Variants in ARL15 observed in about 807,000 individuals in gnomAD.
ARL15 encodes ADP-ribosylation factor-like protein 15.
A neutral mutation model predicts 25.2 loss-of-function variants in ARL15; 19 were observed. The ratio of observed to expected loss-of-function variants is 0.75; its 90% CI spans 0.53 to 1.10. The LOEUF (loss-of-function observed/expected upper bound fraction) is 1.10. Among genes scored for constraint, ARL15 ranks in the 50% least tolerant of loss-of-function variants. The pLI, the probability that ARL15 is intolerant of heterozygous loss-of-function variation, is 0.00. For synonymous variants in ARL15, 94 were observed against 86.8 expected (o/e 1.08, Z -0.46); for missense variants, 220 against 246.0 (o/e 0.89, Z 0.71).
intron 1 of ARL15, among the ~76,000 whole-genome samples, chr5:54,303,565 T>G (rs1327080588): frequency 7.2e-6 from 1 of 138,502 alleles, no homozygotes. Flanking sequence ...TTGGGGCAGG[T>G]AGGAATGTGC....
intron 1 of ARL15, among the ~76,000 whole-genome samples, chr5:54,248,836 G>T (rs1324940446): frequency 6.6e-6 from 1 of 152,128 alleles, no homozygotes; most frequent in East Asian, 1.9e-4. Flanking sequence ...GGGAATAGAT[G>T]AATTCACTCC....
chr5:54,087,170 A>G (rs1751987511), intron 4 of ARL15, among the ~76,000 whole-genome samples: 1 of 152,092 alleles, frequency 6.6e-6, no homozygotes, highest in African/African-American at 2.4e-5. Flanking sequence ...CCCCGTCGCT[A>G]CTAAAAAATT....
chr5:53,898,309 A>C (rs1744938576), intron 4 of ARL15, among the ~76,000 whole-genome samples: 1 of 152,194 alleles, frequency 6.6e-6, no homozygotes, highest in African/African-American at 2.4e-5. Flanking sequence ...TTTTAGTATC[A>C]TAGTAATCTT....
At chr5:53,923,420 AC>A (rs906008606) in intron 4 of ARL15, among the ~76,000 whole-genome samples, 1 of 152,164 alleles carries the variant, frequency 6.6e-6, no homozygotes, top group African/African-American at 2.4e-5. Context: ...GTGAAGGGCT[AC>A]TTGGTAAAAT....
intron 4 of ARL15, among the ~76,000 whole-genome samples, chr5:54,020,696 G>C (rs697103): frequency 6.6e-6 from 1 of 151,866 alleles, no homozygotes; most frequent in Non-Finnish European, 1.5e-5. Context: ...GCTCACTCCT[G>C]TAATCCCAGC....
chr5:53,945,968 T>C (rs1431965777), intron 4 of ARL15, among the ~76,000 whole-genome samples: 1 of 152,192 alleles, frequency 6.6e-6, no homozygotes. Flanking sequence ...CCACAGGCTT[T>C]GGAGACAGAT....
At chr5:54,036,011 G>T (rs1399966413) in intron 4 of ARL15, among the ~76,000 whole-genome samples, 8 of 152,004 alleles carry the variant, frequency 5.3e-5, no homozygotes, top group Admixed American at 5.2e-4. Context: ...AACTCAGCAT[G>T]GTGGTGCATG....
chr5:54,129,267 C>T (rs568700294), intron 3 of ARL15, among the ~76,000 whole-genome samples: 20 of 152,196 alleles, frequency 1.3e-4, no homozygotes, highest in African/African-American at 4.6e-4. Context: ...AGAAATGTCT[C>T]CAAATTAATA....
chr5:54,141,358 T>A (rs761349985), intron 3 of ARL15, among the ~76,000 whole-genome samples: 1 of 152,126 alleles, frequency 6.6e-6, no homozygotes, highest in Non-Finnish European at 1.5e-5. Flanking sequence ...CCTTTCCCAG[T>A]CACTTTCATC....
At chr5:54,272,107 CTTTTTT>C (rs34592464) in intron 1 of ARL15, among the ~76,000 whole-genome samples, 11 of 36,750 alleles carry the variant, frequency 3.0e-4, no homozygotes, top group African/African-American at 9.3e-4. Flanking sequence ...CCACTCCTGG[CTTTTTT>C]TTTTTTTTTT....
rs1050920483 is a variant in ARL15, at chr5:53,918,858, G to T, written c.463-32145C>A. 2.0e-5 allele frequency among the ~76,000 whole-genome samples: 3 copies of T among 151,146 alleles called. No individual in the cohort carries two copies. In the East Asian group the frequency reaches 5.8e-4, roughly 29 times the overall value. Reference sequence around the variant, plus strand: ...AAAAAAAAGCTGCATTATTTTCGAAGGTCCATTAAACTTGAAAAGTAACAA... The same window carrying T: ...AAAAAAAAGCTGCATTATTTTCGAATGTCCATTAAACTTGAAAAGTAACAA... On this transcript the variant is annotated intron_variant, in intron 4 of 4. Transcript: ENST00000504924.
At chr5:54,054,963 A>G (rs1041464692) in intron 4 of ARL15, among the ~76,000 whole-genome samples, 4 of 152,106 alleles carry the variant, frequency 2.6e-5, no homozygotes, top group Admixed American at 2.6e-4. Flanking sequence ...ACACCCACTT[A>G]GCTTTTATTT....
intron 1 of ARL15, among the ~76,000 whole-genome samples, chr5:54,297,814 G>A (rs955815636): frequency 3.3e-5 from 5 of 151,876 alleles, no homozygotes; most frequent in Non-Finnish European, 7.4e-5. Context: ...ACGGAGTCTC[G>A]CTCTGTCGCC....
intron 1 of ARL15, among the ~76,000 whole-genome samples, chr5:54,223,634 C>T (rs1756438939): frequency 6.6e-6 from 1 of 152,116 alleles, no homozygotes; most frequent in Non-Finnish European, 1.5e-5. Context: ...AATAAAATAA[C>T]AATCAATTTT....
At chr5:54,146,352 A>G (rs1753910606) in intron 3 of ARL15, among the ~76,000 whole-genome samples, 1 of 152,198 alleles carries the variant, frequency 6.6e-6, no homozygotes, top group Non-Finnish European at 1.5e-5. Flanking sequence ...CTTTCAAGAT[A>G]AAAATAAACT....
At chr5:54,243,984 G>A (rs1432616229) in intron 1 of ARL15, among the ~76,000 whole-genome samples, 1 of 152,202 alleles carries the variant, frequency 6.6e-6, no homozygotes, top group African/African-American at 2.4e-5. Flanking sequence ...CGATCAAAGA[G>A]CAAGTATCCC....
At chr5:54,161,998 T>C (rs201596611) in intron 2 of ARL15, among the ~76,000 whole-genome samples, 181 of 144,662 alleles carry the variant, frequency 1.3e-3, no homozygotes, top group South Asian at 1.4e-3. Context: ...CACACACACA[T>C]ACACACACAC....
intron 4 of ARL15, among the ~76,000 whole-genome samples, chr5:54,011,054 G>A (rs1465523147): frequency 1.3e-5 from 2 of 151,818 alleles, no homozygotes; most frequent in South Asian, 2.1e-4. Context: ...AGTCCTTAGT[G>A]AAGTGATAAA....
At chr5:54,006,471 A>AT (rs113755017) in intron 4 of ARL15, among the ~76,000 whole-genome samples, 18,315 of 148,230 alleles carry the variant, frequency 0.12, 1,478 homozygotes, top group African/African-American at 0.22. Context: ...ATAACAATTG[A>AT]TTTTTTTTTT....
Sources: gnomAD v4.1 joint callset for allele counts (sites outside exome capture counted in the v4.1 genomes callset) on GRCh38, gnomAD v4.1.1 for gene constraint, MANE v1.5 for transcripts, NCBI Gene and HGNC (gene_info 2026-07-23, HGNC 2026-07-21) for gene names.